The following JMJD1C variants were observed in gnomAD, a reference collection of about 807,000 sequenced individuals.
JMJD1C encodes the protein jumonji domain-containing protein 1C.
In JMJD1C, 31 loss-of-function variants were observed where a neutral mutation model predicts 245.3. The ratio of observed to expected loss-of-function variants is 0.13; its 90% CI spans 0.09 to 0.17. The LOEUF (loss-of-function observed/expected upper bound fraction) is 0.17. Among genes scored for constraint, JMJD1C ranks in the 10% least tolerant of loss-of-function variants. The pLI, the probability that JMJD1C is intolerant of heterozygous loss-of-function variation, is 1.00. For missense variants in JMJD1C, 2,691 were observed against 3,000.2 expected, an observed-to-expected ratio of 0.90 and a Z score of 2.41; for synonymous variants, 1,057 against 1,017.4, an observed-to-expected ratio of 1.04 and a Z score of -0.74.
chr10:63,521,786 T>TGCGGCGACTGCGGCTGCG (rs1955255769), exon 1 of JMJD1C: 1 of 321,920 alleles, frequency 3.1e-6, no homozygotes, highest in African/African-American at 2.2e-5. Flanking sequence ...AGGGCCTAGC[T>TGCGGCGACTGCGGCTGCG]GCGGCGACTG....
At chr10:63,204,613 G>A (rs768750373) in intron 10 of JMJD1C, 3 of 985,204 alleles carry the variant, frequency 3.0e-6, no homozygotes, top group Non-Finnish European at 3.6e-6. Flanking sequence ...ATTCATGGGG[G>A]TAGTGAGGGA....
At chr10:63,285,185 C>A (rs1857847271) in intron 2 of JMJD1C, among the ~76,000 whole-genome samples, 2 of 152,142 alleles carry the variant, frequency 1.3e-5, no homozygotes, top group Non-Finnish European at 2.9e-5. Flanking sequence ...AACTGCAAGT[C>A]ATGTAGCACG....
At chr10:63,288,459 C>G (rs778486954) in intron 2 of JMJD1C, among the ~76,000 whole-genome samples, 9 of 152,082 alleles carry the variant, frequency 5.9e-5, no homozygotes, top group Non-Finnish European at 8.8e-5. Flanking sequence ...TAAAAAAATC[C>G]ATGTTTAGGT....
At chr10:63,421,694 A>T (rs142266012) in intron 1 of JMJD1C, among the ~76,000 whole-genome samples, 381 of 152,362 alleles carry the variant, frequency 2.5e-3, no homozygotes, top group African/African-American at 8.9e-3. Context: ...AAATGAGATC[A>T]TATGGGTGAG....
chr10:63,375,410 T>A (rs1946653224), intron 2 of JMJD1C, among the ~76,000 whole-genome samples: 1 of 151,828 alleles, frequency 6.6e-6, no homozygotes, highest in Non-Finnish European at 1.5e-5. Flanking sequence ...TGCAAGAGCA[T>A]CAAAAAAGAA....
At chr10:63,515,473 A>G (rs1397190964) in intron 1 of JMJD1C, among the ~76,000 whole-genome samples, 1 of 152,154 alleles carries the variant, frequency 6.6e-6, no homozygotes, top group Non-Finnish European at 1.5e-5. Flanking sequence ...CTCTCCCTGG[A>G]GCTTTTAGGT....
At chr10:63,489,856 T>C (rs1954112055) in intron 1 of JMJD1C, among the ~76,000 whole-genome samples, 2 of 152,154 alleles carry the variant, frequency 1.3e-5, no homozygotes, top group African/African-American at 4.8e-5. Context: ...CCCCGGACCA[T>C]GGACCAGTAC....
intron 1 of JMJD1C, among the ~76,000 whole-genome samples, chr10:63,462,171 T>C (rs959717253): frequency 1.3e-5 from 2 of 152,232 alleles, no homozygotes; most frequent in Admixed American, 1.3e-4. Context: ...AAGGCTTAGA[T>C]ATTTTGTTAG....
intron 5 of JMJD1C, 79 bp from the exon 6 acceptor site, chr10:63,215,775 T>C: frequency 2.2e-6 from 2 of 926,584 alleles, no homozygotes; most frequent in Non-Finnish European, 3.0e-6. Flanking sequence ...CTTTACTCAG[T>C]AGAAATGTTT....
chr10:63,356,791 T>C (rs1564827071), intron 2 of JMJD1C, among the ~76,000 whole-genome samples: 2 of 152,172 alleles, frequency 1.3e-5, no homozygotes, highest in East Asian at 3.9e-4. Context: ...AGGATACCCC[T>C]GGGAAATACA....
intron 3 of JMJD1C, chr10:63,222,748 C>T (rs1848754135): frequency 6.6e-7 from 1 of 1,520,314 alleles, no homozygotes; most frequent in African/African-American, 1.4e-5. Flanking sequence ...TTAATGGTTG[C>T]TCACTGAAAA....
chr10:63,211,309 A>G (rs1248732472), intron 8 of JMJD1C, among the ~76,000 whole-genome samples: 1 of 151,970 alleles, frequency 6.6e-6, no homozygotes, highest in Non-Finnish European at 1.5e-5. Context: ...TACTAAAAAT[A>G]CAAAAAATTA....
At chr10:63,222,186 T>G (rs534515542) in intron 3 of JMJD1C, 69 of 753,056 alleles carry the variant, frequency 9.2e-5, no homozygotes, top group Middle Eastern at 3.6e-4. Context: ...GATATTGTTA[T>G]CAACTTGACT....
chr10:63,304,806 A>G (rs1395777622), intron 2 of JMJD1C, among the ~76,000 whole-genome samples: 2 of 152,174 alleles, frequency 1.3e-5, no homozygotes, highest in African/African-American at 4.8e-5. Flanking sequence ...GTGTGTATTT[A>G]CACACACAGC....
At chr10:63,475,394 T>G (rs955004368) in intron 1 of JMJD1C, among the ~76,000 whole-genome samples, 7 of 152,240 alleles carry the variant, frequency 4.6e-5, no homozygotes, top group African/African-American at 1.7e-4. Context: ...TCTAATTCCA[T>G]GAAAATAGTT....
chr10:63,250,647 G>C lies in JMJD1C; in HGVS notation c.447+14004C>G, dbSNP rs10995476. On this transcript the variant is annotated intron_variant, in intron 3 of 25. Transcript: ENST00000399262. The stretch of plus-strand genomic sequence containing the variant: ...TGGAAGGAACTGTTAATATGTGATG[G>C]AACTTAATGACCTTGAAAAACGATA... 5.0e-3 allele frequency among the ~76,000 whole-genome samples: 768 copies of C among 152,332 alleles called. 7 individuals carry two copies. Among genetic ancestry groups the C allele is most frequent in the Non-Finnish European group, 8.3e-3 (565 of 68,026 alleles).
chr10:63,284,463 G>T (rs1467768859), intron 2 of JMJD1C, among the ~76,000 whole-genome samples: 1 of 152,184 alleles, frequency 6.6e-6, no homozygotes, highest in Admixed American at 6.5e-5. Context: ...GTTAACCAAG[G>T]CCTAGAACCA....
At chr10:63,196,972 A>AT (rs374078037) in intron 13 of JMJD1C, among the ~76,000 whole-genome samples, 3,504 of 147,680 alleles carry the variant, frequency 0.024, 115 homozygotes, top group African/African-American at 0.073. Flanking sequence ...CATTTTTTGT[A>AT]TTTTTTTTTT....
intron 2 of JMJD1C, among the ~76,000 whole-genome samples, chr10:63,335,805 C>A (rs1049760341): frequency 1.3e-5 from 2 of 152,056 alleles, no homozygotes; most frequent in Non-Finnish European, 2.9e-5. Context: ...ACCACGGCGC[C>A]TGGCATAATA....
Sources: gnomAD v4.1 joint callset for allele counts (sites outside exome capture counted in the v4.1 genomes callset) on GRCh38, gnomAD v4.1.1 for gene constraint, MANE v1.5 for transcripts, NCBI Gene and HGNC (gene_info 2026-07-23, HGNC 2026-07-21) for gene names.